KCNIP1: variants seen among roughly 807,000 people sequenced by gnomAD.
KCNIP1 encodes A-type potassium channel modulatory protein KCNIP1.
Under a neutral mutation model 33.0 loss-of-function variants are expected in KCNIP1, and 18 were observed. The observed-to-expected ratio is 0.55, with a 90% CI of 0.38 to 0.81. The LOEUF is 0.81. Ranked by LOEUF, KCNIP1 falls within the 30% of genes least tolerant of loss-of-function variation. The pLI, the probability that KCNIP1 is intolerant of heterozygous loss-of-function variation, is 0.00. For missense variants in KCNIP1, 238 were observed against 271.6 expected, an observed-to-expected ratio of 0.88 and a Z score of 0.87; for synonymous variants, 93 against 98.3, an observed-to-expected ratio of 0.95 and a Z score of 0.32.
At chr5:170,474,676 AG>A (rs1756811807) in intron 1 of KCNIP1, among the ~76,000 whole-genome samples, 1 of 152,180 alleles carries the variant, frequency 6.6e-6, no homozygotes, top group African/African-American at 2.4e-5. Flanking sequence ...AGGTTCAGAG[AG>A]GGTAAGTGAC....
At chr5:170,541,488 C>T (rs1756208713) in intron 1 of KCNIP1, among the ~76,000 whole-genome samples, 2 of 152,240 alleles carry the variant, frequency 1.3e-5, no homozygotes, top group Non-Finnish European at 2.9e-5. Flanking sequence ...ATGAATGATG[C>T]TCCCAGCCTT....
At chr5:170,705,805 T>G (rs1407266983) in intron 1 of KCNIP1, among the ~76,000 whole-genome samples, 2 of 152,318 alleles carry the variant, frequency 1.3e-5, no homozygotes, top group East Asian at 3.9e-4. Context: ...CAATCATGAT[T>G]GAGACAGTGT....
At chr5:170,558,669 C>G (rs1002076617) in intron 1 of KCNIP1, among the ~76,000 whole-genome samples, 3 of 152,208 alleles carry the variant, frequency 2.0e-5, no homozygotes, top group African/African-American at 7.2e-5. Flanking sequence ...TGTACATTTC[C>G]CAAAAAGAGG....
chr5:170,565,990 A>G (rs2113469829), intron 1 of KCNIP1, among the ~76,000 whole-genome samples: 1 of 152,314 alleles, frequency 6.6e-6, no homozygotes, highest in South Asian at 2.1e-4. Flanking sequence ...GAGGACAATT[A>G]TGGGGGAAAC....
At chr5:170,396,724 G>A (rs1449181743) in intron 1 of KCNIP1, among the ~76,000 whole-genome samples, 1 of 152,204 alleles carries the variant, frequency 6.6e-6, no homozygotes, top group Non-Finnish European at 1.5e-5. Flanking sequence ...GGGGGTTATG[G>A]AAACTAAGGT....
chr5:170,399,777 G>C (rs1232794056), intron 1 of KCNIP1, among the ~76,000 whole-genome samples: 1 of 152,128 alleles, frequency 6.6e-6, no homozygotes, highest in Non-Finnish European at 1.5e-5. Flanking sequence ...GTCATAAAAT[G>C]TTTTACTATT....
intron 5 of KCNIP1, among the ~76,000 whole-genome samples, chr5:170,724,436 A>G (rs957028569): frequency 6.6e-6 from 1 of 152,242 alleles, no homozygotes; most frequent in African/African-American, 2.4e-5. Context: ...CAATACAACT[A>G]TGTGAGTTTT....
intron 1 of KCNIP1, among the ~76,000 whole-genome samples, chr5:170,624,170 C>T (rs1759722134): frequency 6.6e-6 from 1 of 152,204 alleles, no homozygotes; most frequent in African/African-American, 2.4e-5. Context: ...TAGGTCATAC[C>T]CATAAATCAA....
intron 1 of KCNIP1, among the ~76,000 whole-genome samples, chr5:170,354,321 A>G (rs1468513101): frequency 6.6e-6 from 1 of 152,196 alleles, no homozygotes; most frequent in African/African-American, 2.4e-5. Flanking sequence ...TTTTGTTGAT[A>G]AAAGAGAGAT....
intron 5 of KCNIP1, among the ~76,000 whole-genome samples, chr5:170,726,331 A>G (rs942442695): frequency 6.6e-6 from 1 of 152,338 alleles, no homozygotes; most frequent in South Asian, 2.1e-4. Flanking sequence ...ATTTGATGAG[A>G]TATTTAAGAA....
intron 1 of KCNIP1, among the ~76,000 whole-genome samples, chr5:170,471,641 A>C (rs1033720286): frequency 2.0e-5 from 3 of 152,120 alleles, no homozygotes; most frequent in Non-Finnish European, 2.9e-5. Context: ...AGTAATTCCA[A>C]GCAAAGCAGG....
rs1043685655 is a variant in KCNIP1, at chr5:170,539,119, A to G, written c.61+34486A>G. Among the ~76,000 whole-genome samples, 5 of 152,174 alleles carry G rather than the reference A, an allele frequency of 3.3e-5. 1 individual carries two copies. The highest frequency in any genetic ancestry group is 3.3e-4 in the Admixed American group (5 of 15,304). The stretch of plus-strand genomic sequence containing the variant: ...CACCTCCTGTTTTCTCACTAGCCCA[A>G]GCCAAACTCATCTCTAGTCTACACT... On this transcript the variant is annotated intron_variant, in intron 1 of 7. Transcript: ENST00000328939.
chr5:170,482,283 T>C (rs1217567005), intron 1 of KCNIP1, among the ~76,000 whole-genome samples: 1 of 152,104 alleles, frequency 6.6e-6, no homozygotes, highest in Non-Finnish European at 1.5e-5. Context: ...CCATCTACCA[T>C]CAAGTTCATA....
chr5:170,614,056 A>G (rs1226856892), intron 1 of KCNIP1, among the ~76,000 whole-genome samples: 5 of 152,200 alleles, frequency 3.3e-5, no homozygotes, highest in Non-Finnish European at 5.9e-5. Context: ...TGGAAACACA[A>G]TTGTTGAGGA....
At chr5:170,606,438 G>A (rs1346716321) in intron 1 of KCNIP1, among the ~76,000 whole-genome samples, 1 of 152,116 alleles carries the variant, frequency 6.6e-6, no homozygotes, top group Non-Finnish European at 1.5e-5. Context: ...GTGGGTGTGA[G>A]GCTCTTTTTA....
intron 1 of KCNIP1, among the ~76,000 whole-genome samples, chr5:170,474,873 A>G (rs748867824): frequency 1.6e-4 from 25 of 152,176 alleles, no homozygotes; most frequent in Non-Finnish European, 3.2e-4. Flanking sequence ...GTGAAGAGCA[A>G]CAGAACAAAC....
chr5:170,414,027 C>T lies in KCNIP1; in HGVS notation c.88+60063C>T, dbSNP rs552746060. On this transcript the variant is annotated intron_variant, in intron 1 of 7. Transcript: ENST00000377360. The stretch of plus-strand genomic sequence containing the variant: ...GTAGAAGGCAGATATGTCTCATCCT[C>T]GCAGTGACTAAGATTAATGGGCATG... Among the ~76,000 whole-genome samples, 18 of 151,954 alleles carry T rather than the reference C, an allele frequency of 1.2e-4. No individual in the cohort carries two copies. The East Asian group carries it at 3.1e-3, about 26-fold the overall frequency.
intron 1 of KCNIP1, among the ~76,000 whole-genome samples, chr5:170,391,319 C>T (rs1754584253): frequency 6.6e-6 from 1 of 152,076 alleles, no homozygotes; most frequent in East Asian, 2.0e-4. Context: ...TTATTAAGGG[C>T]TACATATTAT....
chr5:170,624,723 C>CGGGGGGGGG (rs1461838430), intron 1 of KCNIP1, among the ~76,000 whole-genome samples: 2 of 34,610 alleles, frequency 5.8e-5, no homozygotes, highest in Admixed American at 3.1e-4. Context: ...GGAAAGGAGA[C>CGGGGGGGGG]CGGGGAGGTG....
Sources: allele counts gnomAD v4.1 joint callset (sites outside exome capture counted in the v4.1 genomes callset), GRCh38; gene constraint gnomAD v4.1.1; transcripts MANE v1.5; gene names NCBI Gene and HGNC (gene_info 2026-07-23, HGNC 2026-07-21).